Variants in ADAMTS16 observed in about 807,000 individuals in gnomAD.
ADAMTS16 encodes the protein A disintegrin and metalloproteinase with thrombospondin motifs 16.
In ADAMTS16, 94 loss-of-function variants were observed where a neutral mutation model predicts 145.8. The ratio of observed to expected loss-of-function variants is 0.64; its 90% CI spans 0.55 to 0.77. The LOEUF (loss-of-function observed/expected upper bound fraction) is 0.77, where lower values mean the gene tolerates loss of function less well. Among genes scored for constraint, ADAMTS16 ranks in the 30% least tolerant of loss-of-function variants. The probability of loss-of-function intolerance (pLI) is 0.00; values close to 1 mark genes in which losing one functional copy is unlikely to be tolerated. For missense variants in ADAMTS16, 1,585 were observed against 1,591.5 expected, an observed-to-expected ratio of 1.00 and a Z score of 0.07; for synonymous variants, 659 against 604.3, an observed-to-expected ratio of 1.09 and a Z score of -1.33.
chr5:5,256,034 C>A (rs558544766), intron 17 of ADAMTS16, among the ~76,000 whole-genome samples: 14 of 152,306 alleles, frequency 9.2e-5, no homozygotes, highest in Middle Eastern at 3.4e-3. Flanking sequence ...TTGGAACCTG[C>A]TACCTGATCT....
At chr5:5,261,674 C>G (rs192307813) in intron 17 of ADAMTS16, among the ~76,000 whole-genome samples, 4 of 152,096 alleles carry the variant, frequency 2.6e-5, no homozygotes, top group African/African-American at 4.8e-5. Context: ...TTAGTAGAGA[C>G]GGAGTTTCAC....
At chr5:5,144,924 G>A (rs1278030213) in intron 2 of ADAMTS16, among the ~76,000 whole-genome samples, 2 of 152,184 alleles carry the variant, frequency 1.3e-5, no homozygotes, top group Non-Finnish European at 2.9e-5. Flanking sequence ...TGTGGAAAGA[G>A]TGGGAAGGGT....
chr5:5,290,153 C>T (rs1739253508), intron 18 of ADAMTS16, among the ~76,000 whole-genome samples: 1 of 152,190 alleles, frequency 6.6e-6, no homozygotes. Flanking sequence ...AGCAAAATCT[C>T]CTGAGGTAAA....
intron 3 of ADAMTS16, among the ~76,000 whole-genome samples, chr5:5,163,511 G>T (rs907166902): frequency 6.6e-6 from 1 of 152,150 alleles, no homozygotes; most frequent in African/African-American, 2.4e-5. Context: ...GTCAAATTTG[G>T]TAGCCACAGC....
intron 18 of ADAMTS16, among the ~76,000 whole-genome samples, chr5:5,285,184 C>T (rs1395504375): frequency 2.0e-5 from 3 of 152,194 alleles, no homozygotes; most frequent in East Asian, 1.9e-4. Context: ...GAGTGGTCCA[C>T]ACCCATCAAA....
In ADAMTS16 at chr5:5,152,558, T is replaced by C. The variant is rs112485795; in HGVS notation, c.501+6103T>C. ...TGCAAGTGGCTTGCCTCCCCTGTAG[T>C]GCAAATGGAGTCTCAGAATAGAAGT... is the stretch of plus-strand genomic sequence containing the variant. On this transcript the variant is annotated intron_variant, in intron 3 of 22. Transcript: ENST00000274181. Among the ~76,000 whole-genome samples the C allele has an allele frequency of 2.6e-3, 398 of 152,292 alleles. 2 individuals are homozygous for C. Among genetic ancestry groups the C allele is most frequent in the African/African-American group, 8.9e-3 (371 of 41,558 alleles).
In ADAMTS16 at chr5:5,184,788, C is replaced by A. The variant is rs573736619; in HGVS notation, c.764-1264C>A. ...TTCAGAGCCGAGGCCCGTGAGATCA[C>A]CACCCCACGGAGTTTCTGACCCCTG... On this transcript the variant is annotated intron_variant, in intron 4 of 22. Coordinates refer to ENST00000274181, the MANE Select transcript of ADAMTS16 (RefSeq NM_139056.4). Among the ~76,000 whole-genome samples the A allele has an allele frequency of 1.2e-4, 18 of 152,068 alleles. No homozygotes were observed. The South Asian group carries it at 3.5e-3, about 30-fold the overall frequency.
chr5:5,172,593 G>T (rs1735070827), intron 3 of ADAMTS16, among the ~76,000 whole-genome samples: 1 of 151,920 alleles, frequency 6.6e-6, no homozygotes, highest in Non-Finnish European at 1.5e-5. Context: ...TTTCATTGTG[G>T]TTAGAGAAAA....
chr5:5,301,568 G>A (rs1560997273), intron 18 of ADAMTS16, among the ~76,000 whole-genome samples: 1 of 152,158 alleles, frequency 6.6e-6, no homozygotes, highest in South Asian at 2.1e-4. Context: ...GTCCACAAAT[G>A]CCATTCTCGA....
chr5:5,199,967 G>A (rs546827380), intron 8 of ADAMTS16, among the ~76,000 whole-genome samples, 165 bp from the exon 9 acceptor site: 11 of 152,288 alleles, frequency 7.2e-5, no homozygotes, highest in African/African-American at 1.9e-4. Flanking sequence ...CTTGGAATAC[G>A]TGAATATTCT....
chr5:5,257,085 G>A (rs1336889112), intron 17 of ADAMTS16, among the ~76,000 whole-genome samples: 1 of 152,034 alleles, frequency 6.6e-6, no homozygotes, highest in Non-Finnish European at 1.5e-5. Context: ...TAATTTAATA[G>A]TCTCTCAGCC....
intron 10 of ADAMTS16, among the ~76,000 whole-genome samples, chr5:5,215,674 T>C (rs555228370): frequency 6.7e-6 from 1 of 148,638 alleles, no homozygotes; most frequent in Non-Finnish European, 1.5e-5. Flanking sequence ...GATTCCTTTT[T>C]ATGGCTGAGT....
chr5:5,145,928 C>T (rs918230666), intron 2 of ADAMTS16, among the ~76,000 whole-genome samples: 1 of 152,112 alleles, frequency 6.6e-6, no homozygotes, highest in Non-Finnish European at 1.5e-5. Flanking sequence ...CATTATGGGG[C>T]CCTTGTTACA....
intron 21 of ADAMTS16, among the ~76,000 whole-genome samples, chr5:5,311,300 C>CAAAAAAAA (rs57267931): frequency 4.7e-5 from 6 of 127,994 alleles, no homozygotes; most frequent in African/African-American, 9.1e-5. Context: ...TTGACATAGG[C>CAAAAAAAA]AAAAAAAAAA....
At position 5,239,752 on chromosome 5, in the gene ADAMTS16, TC is replaced by T; in HGVS notation, c.2352del (p.Tyr785ThrfsTer13). 6.2e-7 allele frequency: 1 copy of T among 1,614,140 alleles called. No individual in the cohort carries two copies. The highest frequency in any genetic ancestry group is 8.5e-7 in the Non-Finnish European group (1 of 1,180,022). On this transcript the variant is annotated frameshift_variant, in exon 16 of 23. Coordinates refer to ENST00000274181, the MANE Select transcript of ADAMTS16 (RefSeq NM_139056.4). LOFTEE classifies it high-confidence loss of function. ...CATCTATGAAATGAACGTCTCTACC[TC>T]CTACATTTCTGTGCGCAATGCCCTC... ...IRIYEMNVST[S>X]YISVRNALRR... is the part of the protein sequence containing the mutation.
intron 10 of ADAMTS16, 51 bp downstream of exon 10, chr5:5,209,297 T>C: frequency 6.3e-7 from 1 of 1,592,438 alleles, no homozygotes. Context: ...TAAGACTGTT[T>C]TATTTAGTGT....
At chr5:5,262,218 T>C (rs1738058875) in intron 17 of ADAMTS16, among the ~76,000 whole-genome samples, 1 of 152,242 alleles carries the variant, frequency 6.6e-6, no homozygotes, top group Admixed American at 6.5e-5. Flanking sequence ...TGTTAGTTTG[T>C]TGTCTATGTT....
intron 3 of ADAMTS16, among the ~76,000 whole-genome samples, chr5:5,156,369 A>G (rs1734602804): frequency 6.6e-6 from 1 of 152,210 alleles, no homozygotes; most frequent in South Asian, 2.1e-4. Flanking sequence ...CAAAGAATGA[A>G]TGATTTTTGC....
At chr5:5,294,643 C>A (rs181264267) in intron 18 of ADAMTS16, among the ~76,000 whole-genome samples, 123 of 152,330 alleles carry the variant, frequency 8.1e-4, no homozygotes, top group Non-Finnish European at 5.4e-4. Flanking sequence ...CTACTGCAGT[C>A]TAGACATGTT....
Sources: gnomAD v4.1 joint callset for allele counts (sites outside exome capture counted in the v4.1 genomes callset) on GRCh38, gnomAD v4.1.1 for gene constraint, MANE v1.5 for transcripts, NCBI Gene and HGNC (gene_info 2026-07-23, HGNC 2026-07-21) for gene names.